PNCK: variants seen among roughly 807,000 people sequenced by gnomAD.
The protein encoded by PNCK is calcium/calmodulin-dependent protein kinase type 1B.
A neutral mutation model predicts 28.3 loss-of-function variants in PNCK; 21 were observed. The ratio of observed to expected loss-of-function variants is 0.74; its 90% CI spans 0.53 to 1.07. The LOEUF (loss-of-function observed/expected upper bound fraction) is 1.07, where lower values mean the gene tolerates loss of function less well. Ranked by LOEUF, PNCK falls within the 50% of genes least tolerant of loss-of-function variation. The pLI, the probability that PNCK is intolerant of heterozygous loss-of-function variation, is 0.00. For missense variants in PNCK, 250 were observed against 298.3 expected, an observed-to-expected ratio of 0.84 and a Z score of 1.19; for synonymous variants, 136 against 125.2, an observed-to-expected ratio of 1.09 and a Z score of -0.58.
chrX:153,680,331 G>C (rs888214535), intron 1 of PNCK, among the ~76,000 whole-genome samples: 5 of 104,428 alleles, frequency 4.8e-5, no homozygotes, highest in African/African-American at 7.0e-5. Flanking sequence ...GAGTCCATAC[G>C]AGATCTGGTT....
rs200742175 is a variant in PNCK at position 153,670,939 on chromosome X, T to C, written c.785A>G (p.Gln262Arg). 1.7e-6 allele frequency: 2 copies of C among 1,210,950 alleles called. No individual in the cohort carries two copies. The highest frequency in any genetic ancestry group is 4.3e-5 in the Admixed American group (2 of 45,992). Residue 262 changes from glutamine to arginine, a missense_variant, in exon 9 of 12, where the codon CAA becomes CGA. Gln to Arg is a conservative substitution (Grantham distance 43, BLOSUM62 1). Coordinates refer to ENST00000340888, the MANE Select transcript of PNCK (RefSeq NM_001366977.1). ...ERDPQKRFTC[Q>R]QALRHLWISG... ...TCACCAAAGGTGCCGCAAGGCCTGT[T>C]GGCAGGTGAACCTCTTCTGGGGGTC...
chrX:153,670,845 GA>G lies in PNCK; in HGVS notation c.807-15del, dbSNP rs781914084. 1.2e-5 allele frequency: 14 copies of G among 1,209,058 alleles called. No homozygotes were observed. Among genetic ancestry groups the G allele is most frequent in the Non-Finnish European group, 1.6e-5 (14 of 893,635 alleles). On this transcript the variant is annotated splice_polypyrimidine_tract_variant and intron_variant, in intron 9 of 11. Transcript: ENST00000340888. The stretch of plus-strand genomic sequence containing the variant: ...TCCCCAGAGATCCTGGGGAAAGGCT[GA>G]AGGTCAGGGGGGGTCTCTCTGCAAA...
intron 11 of PNCK, 40 bp from the exon 12 acceptor site, chrX:153,670,170 C>T: frequency 5.0e-6 from 2 of 396,187 alleles, no homozygotes; most frequent in South Asian, 6.8e-5. Flanking sequence ...TAGTCAGGAG[C>T]CGGCCTGCCA....
chrX:153,677,730 GTA>G (rs1260567215), upstream of PNCK, among the ~76,000 whole-genome samples: 16 of 79,377 alleles, frequency 2.0e-4, no homozygotes, highest in Non-Finnish European at 4.0e-4. Context: ...TATATATAGT[GTA>G]TATATAGTGT....
chrX:153,687,285 C>G, intron 1 of PNCK: 1 of 276,564 alleles, frequency 3.6e-6, no homozygotes, highest in Non-Finnish European at 6.9e-6. Context: ...GTCCGAAGCC[C>G]CTACCCACTC....
Position 153,672,038 on chromosome X carries a change from G to A in PNCK, c.276-20C>T, listed in dbSNP as rs907125085. The stretch of plus-strand genomic sequence containing the variant: ...GTCACCCTGGGGGTGCCAGGGGTTT[G>A]GCTGACCCAGGCACTCAGCCTGGCC... On this transcript the variant is annotated intron_variant, in intron 4 of 11. Transcript: ENST00000340888. The A allele has an allele frequency of 1.7e-6, 2 of 1,206,881 alleles. No homozygotes were observed. The highest frequency in any genetic ancestry group is 2.2e-6 in the Non-Finnish European group (2 of 892,387).
At chrX:153,677,229 C>T (rs782128309), upstream of PNCK, among the ~76,000 whole-genome samples, 2 of 111,877 alleles carry the variant, frequency 1.8e-5, no homozygotes, top group South Asian at 3.8e-4. Flanking sequence ...TGAGCCACCG[C>T]GCCCAGCCAC....
chrX:153,676,974 T>C (rs1357895268), upstream of PNCK, among the ~76,000 whole-genome samples: 1 of 112,024 alleles, frequency 8.9e-6, no homozygotes, highest in Admixed American at 9.4e-5. Flanking sequence ...AGTCTCAGTC[T>C]TGTCACCCAG....
upstream of PNCK, among the ~76,000 whole-genome samples, chrX:153,679,484 G>T (rs1204318593): frequency 2.8e-5 from 3 of 108,693 alleles, no homozygotes; most frequent in African/African-American, 6.7e-5. Flanking sequence ...CTTCTTTGGA[G>T]AGGCATCTGT....
At chrX:153,678,397 T>G (rs782531653), upstream of PNCK, among the ~76,000 whole-genome samples, 3 of 111,661 alleles carry the variant, frequency 2.7e-5, no homozygotes, top group African/African-American at 9.8e-5. Flanking sequence ...AAGGCTACAG[T>G]GAGCCATGAT....
In PNCK at chrX:153,682,441, G is replaced by C. The variant is rs1464987895; in HGVS notation, c.-3+4990C>G. Among the ~76,000 whole-genome samples, 3 of 111,437 alleles carry C rather than the reference G, an allele frequency of 2.7e-5. No individual in the cohort carries two copies. In the Admixed American group the frequency reaches 2.9e-4, roughly 11 times the overall value. On this transcript the variant is annotated intron_variant, in intron 1 of 3. Coordinates refer to the PNCK transcript ENST00000419804. The stretch of plus-strand genomic sequence containing the variant: ...AGCACAGGTGCGTGTCACCGCCCCA[G>C]CTAATTTTTAAATTTTTTGTAGAGA...
At chrX:153,681,327 G>A (rs782705663) in intron 1 of PNCK, among the ~76,000 whole-genome samples, 3 of 111,489 alleles carry the variant, frequency 2.7e-5, no homozygotes, top group Non-Finnish European at 5.7e-5. Flanking sequence ...CCAAGAGCAC[G>A]GTATGGAAAG....
At chrX:153,672,956 C>T (rs2091326376) in intron 2 of PNCK, 53 bp downstream of exon 2, 2 of 100,906 alleles carry the variant, frequency 2.0e-5, no homozygotes, top group Non-Finnish European at 3.1e-5. Context: ...CACACAGGTA[C>T]ACACACACAC....
intron 1 of PNCK, 198 bp from the exon 2 acceptor site, chrX:153,673,276 G>A (rs781826072): frequency 8.4e-7 from 1 of 1,192,138 alleles, no homozygotes; most frequent in Non-Finnish European, 1.1e-6. Context: ...CACATCCCAG[G>A]CCTACAGCTG....
chrX:153,671,067 C>T lies in PNCK; in HGVS notation c.727+11G>A. On this transcript the variant is annotated intron_variant, in intron 8 of 11. Coordinates refer to ENST00000340888, the MANE Select transcript of PNCK (RefSeq NM_001366977.1). Reference sequence around the variant, plus strand: ...GCATCACCTCCAAGCACGGGCCAGCCTCAAGCTCACCTGATTCTGAGATGT... The same window carrying T: ...GCATCACCTCCAAGCACGGGCCAGCTTCAAGCTCACCTGATTCTGAGATGT... 8.2e-7 allele frequency: 1 copy of T among 1,212,143 alleles called. No homozygotes were observed. The highest frequency in any genetic ancestry group is 1.1e-6 in the Non-Finnish European group (1 of 895,528).
upstream of PNCK, among the ~76,000 whole-genome samples, chrX:153,677,814 G>GTA (rs1239142354): frequency 1.3e-4 from 14 of 104,332 alleles, no homozygotes; most frequent in Admixed American, 1.1e-3. Flanking sequence ...TAGTGTGTAT[G>GTA]TATATATATA....
upstream of PNCK, chrX:153,674,252 G>A: frequency 1.8e-6 from 2 of 1,124,040 alleles, no homozygotes; most frequent in East Asian, 6.2e-5. Flanking sequence ...GGCTCCCTCT[G>A]GCTCCACCAT....
At chrX:153,671,719 GT>G (rs782488288) in intron 5 of PNCK, 47 bp from the exon 6 acceptor site, 5 of 1,168,219 alleles carry the variant, frequency 4.3e-6, no homozygotes, top group Non-Finnish European at 4.6e-6. Flanking sequence ...TCCTGACGCG[GT>G]GCCGGTGCTG....
At chrX:153,679,270 G>A (rs1485677387), upstream of PNCK, among the ~76,000 whole-genome samples, 2 of 110,097 alleles carry the variant, frequency 1.8e-5, no homozygotes, top group Non-Finnish European at 3.8e-5. Context: ...TTTTCAGGGT[G>A]GCTGTACCTC....
Sources: allele counts gnomAD v4.1 joint callset (sites outside exome capture counted in the v4.1 genomes callset), GRCh38; gene constraint gnomAD v4.1.1; transcripts MANE v1.5; gene names NCBI Gene and HGNC (gene_info 2026-07-23, HGNC 2026-07-21).